SMAD9: variants seen among roughly 807,000 people sequenced by gnomAD.
The protein encoded by SMAD9 is MAD homolog 9.
Under a neutral mutation model 46.1 loss-of-function variants are expected in SMAD9, and 36 were observed. The observed-to-expected ratio is 0.78, with a 90% CI of 0.60 to 1.03. The LOEUF (loss-of-function observed/expected upper bound fraction) is 1.03. Ranked by LOEUF, SMAD9 falls within the 50% of genes least tolerant of loss-of-function variation. The probability of loss-of-function intolerance (pLI) is 0.00; values close to 1 mark genes in which losing one functional copy is unlikely to be tolerated. For synonymous variants in SMAD9, 245 were observed against 237.1 expected (o/e 1.03, Z -0.31); for missense variants, 572 against 599.8 (o/e 0.95, Z 0.48).
At chr13:36,904,946 T>C (rs566685538) in intron 1 of SMAD9, among the ~76,000 whole-genome samples, 1 of 152,350 alleles carries the variant, frequency 6.6e-6, no homozygotes, top group African/African-American at 2.4e-5. Flanking sequence ...CTTCTTTTCC[T>C]TTACTTGAGA....
At chr13:36,851,856 T>C in intron 6 of SMAD9, 1 of 979,992 alleles carries the variant, frequency 1.0e-6, no homozygotes, top group Non-Finnish European at 1.2e-6. Context: ...ATCTGAGAAA[T>C]GTATCTAGTT....
Position 36,872,861 on chromosome 13 carries a change from A to C in SMAD9, c.467T>G (p.Leu156Arg). The C allele has an allele frequency of 6.2e-6, 10 of 1,614,154 alleles. No individual in the cohort carries two copies. Among genetic ancestry groups the C allele is most frequent in the Non-Finnish European group, 7.6e-6 (9 of 1,180,028 alleles). Reference sequence around the variant, plus strand: ...GGAGGCGCTGCGGAACTTGGCCAGGAGGCTGAGCTGGGGGTTATATTCACT... The same window carrying C: ...GGAGGCGCTGCGGAACTTGGCCAGGCGGCTGAGCTGGGGGTTATATTCACT... ...RHSEYNPQLS[L>R]LAKFRSASLH... Residue 156 changes from leucine (L) to arginine (R), a missense_variant, in exon 3 of 7, where the codon CTC (leucine) becomes CGC (arginine). Physicochemically the swap from Leu to Arg is moderately radical, Grantham distance 102. Coordinates refer to ENST00000379826, the MANE Select transcript of SMAD9 (RefSeq NM_001127217.3).
In SMAD9 at chr13:36,910,284, T is replaced by C. The variant is rs557408794; in HGVS notation, c.-187+9832A>G. The stretch of plus-strand genomic sequence containing the variant: ...GATCCTCAAATACACTATGTTCAAA[T>C]GTAGAGATGGAACCATAGTGAATAT... On this transcript the variant is annotated intron_variant, in intron 1 of 6. Coordinates refer to ENST00000379826, the MANE Select transcript of SMAD9 (RefSeq NM_001127217.3). Among the ~76,000 whole-genome samples the C allele has an allele frequency of 1.1e-4, 17 of 151,696 alleles. No individual in the cohort carries two copies. The South Asian group carries it at 3.3e-3, about 30-fold the overall frequency.
chr13:36,880,071 G>A (rs2058389779), intron 1 of SMAD9, among the ~76,000 whole-genome samples, 196 bp from the exon 2 acceptor site: 1 of 152,028 alleles, frequency 6.6e-6, no homozygotes, highest in Admixed American at 6.5e-5. Flanking sequence ...TTGGATAGAA[G>A]GGAAAAAACA....
chr13:36,878,954 T>C (rs986770484), intron 2 of SMAD9, among the ~76,000 whole-genome samples: 1 of 152,230 alleles, frequency 6.6e-6, no homozygotes, highest in African/African-American at 2.4e-5. Flanking sequence ...AAATATCTTC[T>C]TTCTAGATTT....
intron 2 of SMAD9, among the ~76,000 whole-genome samples, chr13:36,877,224 T>C (rs935509816): frequency 1.3e-4 from 20 of 152,266 alleles, no homozygotes; most frequent in African/African-American, 4.8e-4. Context: ...TAGCTGGGCA[T>C]GGTGGCACGT....
intron 1 of SMAD9, among the ~76,000 whole-genome samples, chr13:36,906,631 A>AT (rs2058622202): frequency 6.6e-6 from 1 of 152,256 alleles, no homozygotes; most frequent in Non-Finnish European, 1.5e-5. Flanking sequence ...CAAATGGCAA[A>AT]TAAGCACATA....
At chr13:36,852,446 T>G (rs1011842877) in intron 6 of SMAD9, 1 of 985,322 alleles carries the variant, frequency 1.0e-6, no homozygotes, top group African/African-American at 1.7e-5. Flanking sequence ...AGGCTTTCAC[T>G]TCCATATACA....
intron 1 of SMAD9, among the ~76,000 whole-genome samples, chr13:36,888,484 T>C (rs796275734): frequency 2.1e-4 from 32 of 152,340 alleles, no homozygotes; most frequent in African/African-American, 7.7e-4. Flanking sequence ...TGTTTCTTTA[T>C]AGCAGTGTGA....
intron 1 of SMAD9, among the ~76,000 whole-genome samples, chr13:36,917,165 T>A (rs562758850): frequency 1.8e-4 from 27 of 152,276 alleles, no homozygotes; most frequent in African/African-American, 4.8e-4. Flanking sequence ...TTCATGGGTA[T>A]AATGACTCCT....
At chr13:36,882,480 C>T (rs2058412772) in intron 1 of SMAD9, among the ~76,000 whole-genome samples, 1 of 152,142 alleles carries the variant, frequency 6.6e-6, no homozygotes, top group Non-Finnish European at 1.5e-5. Flanking sequence ...TGAAACATCT[C>T]GGGTCTCTGC....
At chr13:36,853,381 A>C in intron 6 of SMAD9, 38 bp downstream of exon 6, 1 of 1,610,624 alleles carries the variant, frequency 6.2e-7, no homozygotes, top group Non-Finnish European at 8.5e-7. Flanking sequence ...TTTGTTTTTC[A>C]CTGAACATTT....
chr13:36,905,279 C>T (rs540542643), intron 1 of SMAD9, among the ~76,000 whole-genome samples: 1 of 152,232 alleles, frequency 6.6e-6, no homozygotes, highest in South Asian at 2.1e-4. Flanking sequence ...TTGTTTTACC[C>T]CACTCCCATT....
intron 3 of SMAD9, among the ~76,000 whole-genome samples, chr13:36,869,477 C>T (rs1280157031): frequency 6.6e-6 from 1 of 152,116 alleles, no homozygotes; most frequent in Non-Finnish European, 1.5e-5. Context: ...CTGCCTAAGC[C>T]TCCCAAAGTG....
At chr13:36,918,417 T>C (rs1226752616) in intron 1 of SMAD9, among the ~76,000 whole-genome samples, 4 of 152,148 alleles carry the variant, frequency 2.6e-5, no homozygotes, top group Admixed American at 6.5e-5. Context: ...AGCATAAAAA[T>C]GGGAGTTGGT....
intron 1 of SMAD9, among the ~76,000 whole-genome samples, chr13:36,919,847 C>A (rs1369492163): frequency 6.6e-6 from 1 of 150,748 alleles, no homozygotes; most frequent in Admixed American, 6.6e-5. Context: ...CACTCCACCC[C>A]AGACAGGCTC....
At chr13:36,894,021 A>G (rs2058509127) in intron 1 of SMAD9, among the ~76,000 whole-genome samples, 2 of 152,230 alleles carry the variant, frequency 1.3e-5, no homozygotes. Context: ...GCTGTTAACA[A>G]TATTTCTTAT....
At chr13:36,898,784 A>G (rs962143125) in intron 1 of SMAD9, among the ~76,000 whole-genome samples, 1 of 152,220 alleles carries the variant, frequency 6.6e-6, no homozygotes, top group Non-Finnish European at 1.5e-5. Flanking sequence ...CAATCTGTAC[A>G]GGGTAACTAC....
chr13:36,900,964 C>T (rs73175026), intron 1 of SMAD9, among the ~76,000 whole-genome samples: 9,799 of 152,178 alleles, frequency 0.064, 414 homozygotes, highest in East Asian at 0.14. Flanking sequence ...TGGCAACCAC[C>T]AATCTGCATT....
Sources: gnomAD v4.1 joint callset for allele counts (sites outside exome capture counted in the v4.1 genomes callset) on GRCh38, gnomAD v4.1.1 for gene constraint, MANE v1.5 for transcripts, NCBI Gene and HGNC (gene_info 2026-07-23, HGNC 2026-07-21) for gene names.